The following ADAMTS17 variants were observed in gnomAD, a reference collection of about 807,000 sequenced individuals.
The protein encoded by ADAMTS17 is A disintegrin and metalloproteinase with thrombospondin motifs 17.
Under a neutral mutation model 141.5 loss-of-function variants are expected in ADAMTS17, and 113 were observed. That is an observed-to-expected ratio of 0.80 (90% CI 0.69 to 0.93). ADAMTS17 has a LOEUF of 0.93. ADAMTS17 is among the 40% of genes least tolerant of loss of function. The probability of loss-of-function intolerance (pLI) is 0.00; values close to 1 mark genes in which losing one functional copy is unlikely to be tolerated. For synonymous variants in ADAMTS17, 768 were observed against 630.6 expected (o/e 1.22, Z -3.27); for missense variants, 1,659 against 1,517.9 (o/e 1.09, Z -1.54).
intron 3 of ADAMTS17, among the ~76,000 whole-genome samples, chr15:100,303,211 ATATG>A (rs1460689281): frequency 6.8e-6 from 1 of 147,326 alleles, no homozygotes; most frequent in Non-Finnish European, 1.5e-5. Context: ...TATATAATAT[ATATG>A]TAACATATAT....
In ADAMTS17 at chr15:100,182,729, A is replaced by G. The variant is rs1319460244; in HGVS notation, c.1181+16589T>C. Among the ~76,000 whole-genome samples the G allele has an allele frequency of 2.6e-5, 4 of 152,124 alleles. No individual in the cohort carries two copies. In the East Asian group the frequency reaches 5.8e-4, roughly 22 times the overall value. ...TGTGGGGTGGTGGCAGGGGGTGACAACTGATGGAGGCTTCTGTTTTATTTG... is the reference window on the plus strand; with the variant it reads ...TGTGGGGTGGTGGCAGGGGGTGACAGCTGATGGAGGCTTCTGTTTTATTTG... On this transcript the variant is annotated intron_variant, in intron 8 of 21. Transcript: ENST00000268070.
At chr15:100,199,889 C>G (rs2041257538) in intron 7 of ADAMTS17, among the ~76,000 whole-genome samples, 1 of 152,246 alleles carries the variant, frequency 6.6e-6, no homozygotes, top group South Asian at 2.1e-4. Context: ...AGGCGATGCC[C>G]CTGCACCCGC....
At chr15:100,023,958 C>T (rs1001153820) in intron 18 of ADAMTS17, among the ~76,000 whole-genome samples, 1 of 152,224 alleles carries the variant, frequency 6.6e-6, no homozygotes, top group African/African-American at 2.4e-5. Context: ...CCAAAGGACA[C>T]ACATGATCCT....
chr15:100,030,450 TCCTCACGCTCC>T (rs1166623035), intron 18 of ADAMTS17, among the ~76,000 whole-genome samples: 1 of 152,096 alleles, frequency 6.6e-6, no homozygotes, highest in Non-Finnish European at 1.5e-5. Context: ...AAATGCAACC[TCCTCACGCTCC>T]CCCTACCAGG....
intron 15 of ADAMTS17, among the ~76,000 whole-genome samples, chr15:100,082,223 G>A (rs1471659093): frequency 2.0e-5 from 3 of 152,026 alleles, no homozygotes; most frequent in East Asian, 1.9e-4. Context: ...GTGCCACCAC[G>A]CCCAGCTAAT....
intron 18 of ADAMTS17, among the ~76,000 whole-genome samples, chr15:100,035,518 G>T (rs184223773): frequency 2.8e-3 from 421 of 152,210 alleles, no homozygotes; most frequent in African/African-American, 9.7e-3. Flanking sequence ...TTCTGTTTTG[G>T]GGTTTGAGGC....
At chr15:100,190,384 T>C (rs777685997) in intron 8 of ADAMTS17, among the ~76,000 whole-genome samples, 1 of 152,222 alleles carries the variant, frequency 6.6e-6, no homozygotes, top group South Asian at 2.1e-4. Flanking sequence ...GCAAGCCATC[T>C]GTGACCTCAA....
chr15:100,003,920 G>T (rs1454584372), intron 18 of ADAMTS17, among the ~76,000 whole-genome samples: 4 of 152,220 alleles, frequency 2.6e-5, no homozygotes, highest in African/African-American at 4.8e-5. Context: ...GAAGAAGATA[G>T]AAAAGTTCTG....
At chr15:100,161,709 C>G (rs1426758197) in intron 8 of ADAMTS17, among the ~76,000 whole-genome samples, 1 of 152,144 alleles carries the variant, frequency 6.6e-6, no homozygotes, top group Non-Finnish European at 1.5e-5. Context: ...AGATTGTGCC[C>G]CCAGTCTTGA....
At chr15:100,172,971 A>AAG (rs534089755) in intron 8 of ADAMTS17, among the ~76,000 whole-genome samples, 36 of 152,302 alleles carry the variant, frequency 2.4e-4, no homozygotes, top group African/African-American at 6.0e-4. Flanking sequence ...TGCAGTGTAG[A>AAG]AGAGTGCTTC....
At chr15:100,004,891 G>C (rs1171320604) in intron 18 of ADAMTS17, among the ~76,000 whole-genome samples, 4 of 152,180 alleles carry the variant, frequency 2.6e-5, no homozygotes, top group African/African-American at 4.8e-5. Context: ...AAAGTGCCGG[G>C]ATTATAGACA....
At chr15:100,190,107 G>A (rs1338363057) in intron 8 of ADAMTS17, among the ~76,000 whole-genome samples, 1 of 151,860 alleles carries the variant, frequency 6.6e-6, no homozygotes. Context: ...CTTAACAAGA[G>A]GATGCCCTAC....
At chr15:100,218,674 C>T (rs1228532808) in intron 7 of ADAMTS17, among the ~76,000 whole-genome samples, 1 of 152,180 alleles carries the variant, frequency 6.6e-6, no homozygotes, top group Admixed American at 6.5e-5. Context: ...GGCAGTGTCT[C>T]AAAATATTCA....
In ADAMTS17 at chr15:100,224,623, C is replaced by T. The variant is rs533575127; in HGVS notation, c.1076-25200G>A. On this transcript the variant is annotated intron_variant, in intron 7 of 21. Transcript: ENST00000268070. ...TCGTTCTTCACCCCCAGTGCAAAGG[C>T]GAGGAAAGGTCACTGCTTCCCCAGT... Among the ~76,000 whole-genome samples the T allele has an allele frequency of 5.3e-5, 8 of 152,304 alleles. No homozygotes were observed. The East Asian group carries it at 7.7e-4, about 15-fold the overall frequency.
chr15:100,096,023 G>A (rs1276549730), intron 15 of ADAMTS17, among the ~76,000 whole-genome samples: 1 of 152,208 alleles, frequency 6.6e-6, no homozygotes, highest in Non-Finnish European at 1.5e-5. Context: ...TTTGGCAGGT[G>A]TCTCTCCCAC....
intron 18 of ADAMTS17, among the ~76,000 whole-genome samples, chr15:100,025,754 A>G (rs1357173675): frequency 6.6e-6 from 1 of 152,156 alleles, no homozygotes; most frequent in Non-Finnish European, 1.5e-5. Flanking sequence ...CCAGTAAGCT[A>G]GGCCAATTCC....
chr15:100,219,889 C>A (rs1383038570), intron 7 of ADAMTS17, among the ~76,000 whole-genome samples: 1 of 152,206 alleles, frequency 6.6e-6, no homozygotes, highest in Admixed American at 6.5e-5. Flanking sequence ...TTCCACTGAG[C>A]ATTCTTTATA....
chr15:100,306,524 C>T (rs760272623), intron 3 of ADAMTS17: 13 of 455,976 alleles, frequency 2.9e-5, no homozygotes, highest in Non-Finnish European at 4.8e-5. Flanking sequence ...ACCTCCAGAT[C>T]ACTCCAGCCT....
chr15:100,226,366 G>A (rs1441592930), intron 7 of ADAMTS17, among the ~76,000 whole-genome samples: 1 of 152,254 alleles, frequency 6.6e-6, no homozygotes, highest in Non-Finnish European at 1.5e-5. Flanking sequence ...TCAGCCGGGG[G>A]AAAAGGAGGC....
Sources: allele counts gnomAD v4.1 joint callset (sites outside exome capture counted in the v4.1 genomes callset), GRCh38; gene constraint gnomAD v4.1.1; transcripts MANE v1.5; gene names NCBI Gene and HGNC (gene_info 2026-07-23, HGNC 2026-07-21).